Variants in AFG2A observed in about 807,000 individuals in gnomAD.
AFG2A encodes AAA ATPase AFG2A.
At chr4:122,947,415 T>G in the AFG2A span, 1 of 1,614,148 alleles carries the variant, frequency 6.2e-7, no homozygotes, top group African/African-American at 1.3e-5. Context: ...TCACTGAGGC[T>G]GAGCTGCTGC....
the AFG2A span, among the ~76,000 whole-genome samples, chr4:123,101,959 CTG>C: frequency 1.3e-5 from 2 of 151,858 alleles, no homozygotes; most frequent in African/African-American, 2.4e-5. Flanking sequence ...TATTAACAGA[CTG>C]TGTATTATTT....
At chr4:122,979,299 G>A in the AFG2A span, 2 of 1,614,194 alleles carry the variant, frequency 1.2e-6, no homozygotes, top group African/African-American at 2.7e-5. Context: ...TGGCTGGACT[G>A]GTGAAGATTA....
the AFG2A span, among the ~76,000 whole-genome samples, chr4:123,185,032 C>T: frequency 3.9e-5 from 6 of 152,126 alleles, no homozygotes; most frequent in African/African-American, 1.2e-4. Flanking sequence ...ACTCAGGTCT[C>T]GTAACTGCCT....
the AFG2A span, among the ~76,000 whole-genome samples, chr4:123,137,991 A>G: frequency 2.0e-5 from 3 of 152,170 alleles, no homozygotes; most frequent in Non-Finnish European, 2.9e-5. Flanking sequence ...TGGATATTTG[A>G]TGACAGCTGG....
chr4:123,063,838 C>A, the AFG2A span, among the ~76,000 whole-genome samples: 1 of 152,008 alleles, frequency 6.6e-6, no homozygotes, highest in Non-Finnish European at 1.5e-5. Context: ...ATTTGCTAGT[C>A]TTTACTGTCT....
the AFG2A span, among the ~76,000 whole-genome samples, chr4:123,140,074 T>A: frequency 1.3e-5 from 2 of 152,088 alleles, no homozygotes; most frequent in African/African-American, 4.8e-5. Flanking sequence ...AAAATTTTGG[T>A]AACTGTTTCA....
chr4:123,138,407 T>C, the AFG2A span, among the ~76,000 whole-genome samples: 1 of 152,302 alleles, frequency 6.6e-6, no homozygotes, highest in South Asian at 2.1e-4. Context: ...TACACATTCT[T>C]TGAGTGTTCT....
At chr4:122,940,076 G>A in the AFG2A span, among the ~76,000 whole-genome samples, 4 of 152,276 alleles carry the variant, frequency 2.6e-5, no homozygotes, top group East Asian at 5.8e-4. Flanking sequence ...ATTGTGAATA[G>A]TGCCGCAATA....
the AFG2A span, among the ~76,000 whole-genome samples, chr4:123,110,187 T>C: frequency 6.6e-6 from 1 of 152,106 alleles, no homozygotes; most frequent in Non-Finnish European, 1.5e-5. Flanking sequence ...ATGCTGAGAG[T>C]TTAATCACCA....
the AFG2A span, among the ~76,000 whole-genome samples, chr4:123,226,137 T>C: frequency 6.6e-6 from 1 of 152,204 alleles, no homozygotes; most frequent in Admixed American, 6.5e-5. Context: ...TTTCTAGATA[T>C]ACAGTCATGT....
At chr4:123,003,822 A>C in the AFG2A span, among the ~76,000 whole-genome samples, 9 of 151,582 alleles carry the variant, frequency 5.9e-5, no homozygotes, top group Admixed American at 1.3e-4. Context: ...TGGGAAAACC[A>C]CTGCTGTCCT....
At chr4:123,015,713 T>C in the AFG2A span, among the ~76,000 whole-genome samples, 3 of 151,202 alleles carry the variant, frequency 2.0e-5, no homozygotes, top group Admixed American at 6.6e-5. Flanking sequence ...ACCTCCCAGA[T>C]GGGGTGGTGG....
chr4:123,214,713 C>T, the AFG2A span, among the ~76,000 whole-genome samples: 1 of 151,954 alleles, frequency 6.6e-6, no homozygotes, highest in African/African-American at 2.4e-5. Context: ...CACACACAAA[C>T]ACTACTCAGC....
the AFG2A span, among the ~76,000 whole-genome samples, chr4:123,247,304 C>T: frequency 6.6e-6 from 1 of 151,884 alleles, no homozygotes; most frequent in Non-Finnish European, 1.5e-5. Context: ...TAGCTATATT[C>T]TAAAGTTAAA....
At chr4:123,005,678 T>A in the AFG2A span, among the ~76,000 whole-genome samples, 1 of 152,216 alleles carries the variant, frequency 6.6e-6, no homozygotes, top group Admixed American at 6.5e-5. Flanking sequence ...ATATTTGATA[T>A]AGTGTATTTT....
At chr4:123,299,117 A>ATG in the AFG2A span, among the ~76,000 whole-genome samples, 81,166 of 147,008 alleles carry the variant, frequency 0.55, 23,241 homozygotes, top group East Asian at 0.81. Context: ...GCATCTGCCA[A>ATG]TGTGTGTGTG....
At chr4:123,149,154 G>C in the AFG2A span, among the ~76,000 whole-genome samples, 1 of 152,144 alleles carries the variant, frequency 6.6e-6, no homozygotes, top group Non-Finnish European at 1.5e-5. Context: ...AAATAAATTT[G>C]ATAAGTTACA....
chr4:123,136,033 A>C, the AFG2A span, among the ~76,000 whole-genome samples: 1 of 152,254 alleles, frequency 6.6e-6, no homozygotes, highest in Admixed American at 6.5e-5. Context: ...TAAACAAGGA[A>C]GTAAAAGATT....
the AFG2A span, among the ~76,000 whole-genome samples, chr4:123,302,579 C>T: frequency 1.0e-5 from 1 of 99,668 alleles, no homozygotes; most frequent in Non-Finnish European, 2.7e-5. Flanking sequence ...TAGCAGGAGA[C>T]CTTTTTTTTT....
Sources: allele counts gnomAD v4.1 joint callset (sites outside exome capture counted in the v4.1 genomes callset), GRCh38; gene constraint gnomAD v4.1.1; transcripts MANE v1.5; gene names NCBI Gene and HGNC (gene_info 2026-07-23, HGNC 2026-07-21).